SBF2: variants seen among roughly 807,000 people sequenced by gnomAD.
The protein encoded by SBF2 is myotubularin-related protein 13.
SBF2 carries 112 observed loss-of-function variants against 225.2 expected under a neutral mutation model. The ratio of observed to expected loss-of-function variants is 0.50; its 90% CI spans 0.43 to 0.58. The LOEUF is 0.58. Ranked by LOEUF, SBF2 falls within the 20% of genes least tolerant of loss-of-function variation. SBF2 has a pLI of 0.00. For missense variants in SBF2, 1,996 were observed against 2,206.2 expected, an observed-to-expected ratio of 0.90 and a Z score of 1.91; for synonymous variants, 763 against 773.3, an observed-to-expected ratio of 0.99 and a Z score of 0.22.
Position 9,779,067 on chromosome 11 carries a change from T to G in SBF2, c.*1351A>C, listed in dbSNP as rs1851875172. The G allele has an allele frequency of 6.6e-6, 1 of 152,670 alleles. No homozygotes were observed. The highest frequency in any genetic ancestry group is 2.4e-5 in the African/African-American group (1 of 41,474). The allele number at this position is 152,670 out of a possible 1,614,324, so 9.5% of individuals were successfully genotyped here. ...TAATTATCCCCAGATTTCTTATATA[T>G]TAACACAGTTCTATTTCCTAGTGTG... On this transcript the variant is annotated 3_prime_UTR_variant, in exon 40 of 40. Coordinates refer to ENST00000256190, the MANE Select transcript of SBF2 (RefSeq NM_030962.4).
chr11:10,231,691 A>G (rs1958853021), intron 1 of SBF2, among the ~76,000 whole-genome samples: 1 of 152,176 alleles, frequency 6.6e-6, no homozygotes, highest in Non-Finnish European at 1.5e-5. Context: ...AGGAGTATCC[A>G]GCTGTGTGAG....
intron 19 of SBF2, among the ~76,000 whole-genome samples, chr11:9,855,037 C>CT (rs1857215604): frequency 6.6e-6 from 1 of 152,096 alleles, no homozygotes; most frequent in Non-Finnish European, 1.5e-5. Flanking sequence ...GAAACAGAGT[C>CT]TTGTGGAATT....
At chr11:10,126,315 T>A (rs1193958921) in intron 2 of SBF2, among the ~76,000 whole-genome samples, 2 of 152,172 alleles carry the variant, frequency 1.3e-5, no homozygotes, top group Non-Finnish European at 2.9e-5. Flanking sequence ...ATACCTAATT[T>A]GTTCATTTTT....
intron 16 of SBF2, among the ~76,000 whole-genome samples, chr11:9,953,024 C>G (rs1289949314): frequency 6.6e-6 from 1 of 152,236 alleles, no homozygotes; most frequent in Non-Finnish European, 1.5e-5. Context: ...AGCAATGTAT[C>G]TACCCAGAGG....
chr11:10,103,246 A>G (rs1565232043), intron 2 of SBF2, among the ~76,000 whole-genome samples: 1 of 152,226 alleles, frequency 6.6e-6, no homozygotes, highest in Non-Finnish European at 1.5e-5. Flanking sequence ...AAACTTTCCA[A>G]TATCAAATTA....
At chr11:10,071,068 G>A (rs1288224414) in intron 2 of SBF2, among the ~76,000 whole-genome samples, 3 of 152,044 alleles carry the variant, frequency 2.0e-5, no homozygotes, top group Non-Finnish European at 2.9e-5. Context: ...GGGCTGAGAC[G>A]ATGGTGTTTT....
At chr11:10,003,113 A>C (rs1351280656) in intron 6 of SBF2, among the ~76,000 whole-genome samples, 1 of 152,160 alleles carries the variant, frequency 6.6e-6, no homozygotes, top group Non-Finnish European at 1.5e-5. Flanking sequence ...ACCTTTCTCT[A>C]CTTCTTGTAA....
At chr11:10,054,688 A>T (rs1950188932) in intron 2 of SBF2, among the ~76,000 whole-genome samples, 1 of 152,208 alleles carries the variant, frequency 6.6e-6, no homozygotes, top group African/African-American at 2.4e-5. Context: ...TCCAAAATCT[A>T]TAAGAAACTT....
At chr11:10,171,792 G>C (rs762867867) in intron 2 of SBF2, among the ~76,000 whole-genome samples, 1 of 152,150 alleles carries the variant, frequency 6.6e-6, no homozygotes, top group Non-Finnish European at 1.5e-5. Flanking sequence ...CTTTTGCTGG[G>C]AGACTTTTTA....
chr11:9,920,135 T>C (rs1489017868), intron 16 of SBF2, among the ~76,000 whole-genome samples: 1 of 151,304 alleles, frequency 6.6e-6, no homozygotes, highest in African/African-American at 2.4e-5. Flanking sequence ...ACTGGGAGAG[T>C]ACAGCAACTA....
intron 16 of SBF2, chr11:9,957,197 C>G (rs1205115158): frequency 6.6e-6 from 1 of 152,156 alleles, no homozygotes; most frequent in African/African-American, 2.4e-5. Context: ...GATCAAGTGA[C>G]TGCTAGTAAC....
chr11:10,298,703 TAAGC>T (rs564192326), upstream of SBF2, among the ~76,000 whole-genome samples: 199 of 152,338 alleles, frequency 1.3e-3, 1 homozygote, highest in Non-Finnish European at 2.5e-3. Context: ...TTTAGTTCCC[TAAGC>T]AAGAAATTTA....
intron 16 of SBF2, chr11:9,959,680 G>A: frequency 1.4e-6 from 1 of 733,198 alleles, no homozygotes; most frequent in Non-Finnish European, 2.6e-6. Flanking sequence ...TCTTGCTTGA[G>A]TACCATCGAT....
At chr11:10,228,105 T>C (rs1958660938) in intron 1 of SBF2, among the ~76,000 whole-genome samples, 2 of 151,194 alleles carry the variant, frequency 1.3e-5, no homozygotes, top group Admixed American at 6.6e-5. Context: ...AGTTCACTCA[T>C]GATTTGGCTC....
intron 32 of SBF2, among the ~76,000 whole-genome samples, chr11:9,806,513 T>C (rs1485460690): frequency 6.6e-6 from 1 of 152,162 alleles, no homozygotes; most frequent in Non-Finnish European, 1.5e-5. Context: ...GAGACAATGG[T>C]CTCCAAACTT....
At chr11:9,938,173 C>T (rs944406609) in intron 16 of SBF2, among the ~76,000 whole-genome samples, 3 of 151,992 alleles carry the variant, frequency 2.0e-5, no homozygotes, top group Non-Finnish European at 4.4e-5. Context: ...CGCCTCTAGT[C>T]CCAGCTACTC....
At chr11:10,168,849 G>A (rs1956077883) in intron 2 of SBF2, among the ~76,000 whole-genome samples, 1 of 151,988 alleles carries the variant, frequency 6.6e-6, no homozygotes, top group South Asian at 2.1e-4. Context: ...TACTGCATAA[G>A]GAAAAAGAAA....
intron 2 of SBF2, among the ~76,000 whole-genome samples, chr11:10,053,277 T>C (rs1264950658): frequency 6.6e-6 from 1 of 152,190 alleles, no homozygotes; most frequent in Non-Finnish European, 1.5e-5. Flanking sequence ...TATTTCCAGA[T>C]ATGTCTTTTT....
chr11:10,063,767 A>C (rs1235286118), intron 2 of SBF2, among the ~76,000 whole-genome samples: 1 of 151,984 alleles, frequency 6.6e-6, no homozygotes, highest in Non-Finnish European at 1.5e-5. Flanking sequence ...ACAACAGATT[A>C]GATGCTATGG....
Sources: gnomAD v4.1 joint callset for allele counts (sites outside exome capture counted in the v4.1 genomes callset) on GRCh38, gnomAD v4.1.1 for gene constraint, MANE v1.5 for transcripts, NCBI Gene and HGNC (gene_info 2026-07-23, HGNC 2026-07-21) for gene names.